The following AGBL4 variants were observed in gnomAD, a reference collection of about 807,000 sequenced individuals.
The protein encoded by AGBL4 is AGBL carboxypeptidase 4.
A neutral mutation model predicts 66.4 loss-of-function variants in AGBL4; 58 were observed. That is an observed-to-expected ratio of 0.87 (90% CI 0.71 to 1.09). The LOEUF (loss-of-function observed/expected upper bound fraction) is 1.09, where lower values mean the gene tolerates loss of function less well. Among genes scored for constraint, AGBL4 ranks in the 50% least tolerant of loss-of-function variants. The pLI is 0.00. For synonymous variants in AGBL4, 234 were observed against 222.9 expected (o/e 1.05, Z -0.44); for missense variants, 579 against 631.0 (o/e 0.92, Z 0.88).
At chr1:50,000,515 A>G (rs1434740367) in intron 1 of AGBL4, among the ~76,000 whole-genome samples, 1 of 152,220 alleles carries the variant, frequency 6.6e-6, no homozygotes, top group Non-Finnish European at 1.5e-5. Flanking sequence ...CAGTGTGGAG[A>G]GTCCTTAAAG....
At chr1:48,856,622 G>C (rs937907411) in intron 6 of AGBL4, among the ~76,000 whole-genome samples, 1 of 152,150 alleles carries the variant, frequency 6.6e-6, no homozygotes, top group Non-Finnish European at 1.5e-5. Context: ...AATCATAGGA[G>C]ACTTTAATTA....
rs965813358 is a variant in AGBL4, at chr1:49,187,586, G to T, written c.377+58184C>A. 7 of 152,198 alleles carry T rather than the reference G, an allele frequency of 4.6e-5. No individual in the cohort carries two copies. The East Asian group carries it at 1.3e-3, about 29-fold the overall frequency. 9.4% of individuals were successfully genotyped at this position (152,198 alleles called of 1,614,324 possible). A position where few individuals can be genotyped will look rare whatever the true frequency, so the allele number is the denominator to read the frequency against. The stretch of plus-strand genomic sequence containing the variant: ...TAAATAAAAAAATTATGATTCCAGA[G>T]AATTGTTTCTAAAAGACAAATCATG... On this transcript the variant is annotated intron_variant, in intron 4 of 13. Transcript: ENST00000371839.
rs190945579 is a variant in AGBL4, at chr1:49,180,508, T to C, written c.377+65262A>G. ...GGTTAAATCATCTTCTGATAGTAAG[T>C]GGAAAATTTGACACCAGGTCTGTCT... On this transcript the variant is annotated intron_variant, in intron 4 of 13. Transcript: ENST00000371839. Among the ~76,000 whole-genome samples the C allele has an allele frequency of 2.4e-4, 37 of 152,298 alleles. 1 individual carries two copies. Among genetic ancestry groups the C allele is most frequent in the African/African-American group, 8.7e-4 (36 of 41,568 alleles).
At chr1:48,708,169 C>T (rs779935944) in intron 6 of AGBL4, among the ~76,000 whole-genome samples, 2 of 152,134 alleles carry the variant, frequency 1.3e-5, no homozygotes, top group Non-Finnish European at 2.9e-5. Flanking sequence ...GTGAGGGTTA[C>T]CTTTGGTGGG....
chr1:49,486,366 C>T (rs1390820882), intron 3 of AGBL4, among the ~76,000 whole-genome samples: 2 of 151,940 alleles, frequency 1.3e-5, no homozygotes, highest in East Asian at 3.9e-4. Flanking sequence ...CAGTACCTAG[C>T]ATACAGCTGG....
At chr1:49,860,969 G>A (rs1051124060) in intron 1 of AGBL4, among the ~76,000 whole-genome samples, 2 of 152,030 alleles carry the variant, frequency 1.3e-5, no homozygotes, top group African/African-American at 4.8e-5. Context: ...CTACAGAGTG[G>A]TGCAAAGAGC....
intron 3 of AGBL4, among the ~76,000 whole-genome samples, chr1:49,493,330 TA>T (rs1647256368): frequency 4.6e-5 from 7 of 152,024 alleles, no homozygotes; most frequent in Non-Finnish European, 8.8e-5. Context: ...AGATAATTTT[TA>T]TTGAGCACTT....
chr1:49,403,877 T>G (rs1190673602), intron 3 of AGBL4, among the ~76,000 whole-genome samples: 1 of 152,158 alleles, frequency 6.6e-6, no homozygotes, highest in Non-Finnish European at 1.5e-5. Flanking sequence ...CAAACTTACT[T>G]TATTCTTTCA....
chr1:48,562,562 G>GCTTTAATTTAATTTTACTTAGCTCCAA, intron 11 of AGBL4, among the ~76,000 whole-genome samples: 1 of 152,152 alleles, frequency 6.6e-6, no homozygotes, highest in Non-Finnish European at 1.5e-5. Context: ...GCTTTAATTT[G>GCTTTAATTTAATTTTACTTAGCTCCAA]TTTTATAATT....
At position 49,885,273 on chromosome 1, in the gene AGBL4, T is replaced by C. The variant is rs1330410872; in HGVS notation, c.35-33755A>G. Among the ~76,000 whole-genome samples the C allele has an allele frequency of 5.3e-5, 8 of 151,968 alleles. No homozygotes were observed. The East Asian group carries it at 1.5e-3, about 29-fold the overall frequency. ...TTCATAATTTTGAAAGAAAATTACA[T>C]TAAAGATGAGTTGTAACCCACAAAT... On this transcript the variant is annotated intron_variant, in intron 1 of 13. Transcript: ENST00000371839.
At chr1:49,045,924 G>T in intron 4 of AGBL4, 124 bp from the exon 5 acceptor site, 1 of 808,328 alleles carries the variant, frequency 1.2e-6, no homozygotes, top group Non-Finnish European at 1.9e-6. Context: ...GATGGGGCTG[G>T]GAGAATGACA....
chr1:49,246,203 A>C (rs2148329588), intron 3 of AGBL4, among the ~76,000 whole-genome samples: 1 of 152,114 alleles, frequency 6.6e-6, no homozygotes, highest in African/African-American at 2.4e-5. Flanking sequence ...TCTGATGATA[A>C]TTAAATTAAT....
intron 11 of AGBL4, among the ~76,000 whole-genome samples, chr1:48,564,822 C>T (rs1644450283): frequency 6.6e-6 from 1 of 152,216 alleles, no homozygotes; most frequent in Non-Finnish European, 1.5e-5. Context: ...CCACCATCTA[C>T]AGGACGGAGT....
At chr1:49,794,606 C>T (rs926947670) in intron 2 of AGBL4, among the ~76,000 whole-genome samples, 1 of 151,914 alleles carries the variant, frequency 6.6e-6, no homozygotes, top group African/African-American at 2.4e-5. Flanking sequence ...AATTTTTACA[C>T]ATCTCTGTTA....
intron 5 of AGBL4, among the ~76,000 whole-genome samples, chr1:48,926,593 T>C (rs935033275): frequency 3.9e-5 from 6 of 152,076 alleles, no homozygotes; most frequent in Middle Eastern, 3.4e-3. Context: ...CGGCCAACCA[T>C]GGATGATTTA....
intron 5 of AGBL4, among the ~76,000 whole-genome samples, chr1:48,986,175 C>G (rs1462022877): frequency 6.6e-6 from 1 of 151,898 alleles, no homozygotes; most frequent in African/African-American, 2.4e-5. Context: ...AGCTCTGGGA[C>G]AACTTTAATT....
intron 3 of AGBL4, among the ~76,000 whole-genome samples, chr1:49,306,845 C>T (rs1230790400): frequency 6.6e-6 from 1 of 152,154 alleles, no homozygotes; most frequent in Non-Finnish European, 1.5e-5. Flanking sequence ...TCTCTGGTGT[C>T]ATGAAGACTG....
At chr1:49,668,232 G>C (rs1646406963) in intron 3 of AGBL4, among the ~76,000 whole-genome samples, 1 of 152,132 alleles carries the variant, frequency 6.6e-6, no homozygotes, top group African/African-American at 2.4e-5. Context: ...ATGTAGCTTT[G>C]TAGTATTTCT....
intron 6 of AGBL4, among the ~76,000 whole-genome samples, chr1:48,692,114 T>G (rs1646642247): frequency 6.6e-6 from 1 of 152,188 alleles, no homozygotes; most frequent in African/African-American, 2.4e-5. Flanking sequence ...CTAATCAGGT[T>G]GTTACCTCCC....
Sources: gnomAD v4.1 joint callset for allele counts (sites outside exome capture counted in the v4.1 genomes callset) on GRCh38, gnomAD v4.1.1 for gene constraint, MANE v1.5 for transcripts, NCBI Gene and HGNC (gene_info 2026-07-23, HGNC 2026-07-21) for gene names.